SLC26A5: variants seen among roughly 807,000 people sequenced by gnomAD.
SLC26A5 encodes the protein solute carrier family 26 member 5.
In SLC26A5, 51 loss-of-function variants were observed where a neutral mutation model predicts 81.0. The observed-to-expected ratio is 0.63, with a 90% CI of 0.50 to 0.80. The LOEUF (loss-of-function observed/expected upper bound fraction) is 0.80, where lower values mean the gene tolerates loss of function less well. SLC26A5 is among the 30% of genes least tolerant of loss of function. The pLI is 0.00. For synonymous variants in SLC26A5, 325 were observed against 332.8 expected (o/e 0.98, Z 0.25); for missense variants, 771 against 905.8 (o/e 0.85, Z 1.91).
At chr7:103,371,268 AG>A (rs1821014013), downstream of SLC26A5, among the ~76,000 whole-genome samples, 1 of 152,186 alleles carries the variant, frequency 6.6e-6, no homozygotes. Context: ...ACAGTTTAAA[AG>A]TTCAACAGAA....
In SLC26A5 at chr7:103,368,121, C is replaced by CAATT. The variant is rs536745159; in HGVS notation, c.2041+8683_2041+8686dup. The CAATT allele has an allele frequency of 1.2e-4, 160 of 1,369,138 alleles. 1 individual carries two copies. In the African/African-American group the frequency reaches 2.2e-3, roughly 18 times the overall value. The allele number at this position is 1,369,138 out of a possible 1,614,324, so 84.8% of individuals were successfully genotyped here. A position where few individuals can be genotyped will look rare whatever the true frequency, so the allele number is the denominator to read the frequency against. On this transcript the variant is annotated intron_variant, in intron 19 of 19. Coordinates refer to the SLC26A5 transcript ENST00000339444. The stretch of plus-strand genomic sequence containing the variant: ...AACCTTATATAGACTTGTTAATAAC[C>CAATT]AATTCATAAACAAATAAATGGCTTC...
intron 7 of SLC26A5, among the ~76,000 whole-genome samples, chr7:103,409,795 C>T (rs753222517): frequency 7.2e-5 from 11 of 151,936 alleles, no homozygotes; most frequent in Non-Finnish European, 1.5e-4. Flanking sequence ...ACAAGCTCCA[C>T]CTCCCGGGTT....
Position 103,411,276 on chromosome 7 carries a change from C to T in SLC26A5, c.570+144G>A, listed in dbSNP as rs1294374908. On this transcript the variant is annotated intron_variant, in intron 6 of 19. Transcript: ENST00000306312. ...CACTCATAGTTGTGAATATGGCATG[C>T]AGTTGGTCTGCAGTTACTCCCAGAG... 9.9e-6 allele frequency: 8 copies of T among 809,966 alleles called. No individual in the cohort carries two copies. In the East Asian group the frequency reaches 2.1e-4, roughly 21 times the overall value. The allele number at this position is 809,966 out of a possible 1,614,324, so 50.2% of individuals were successfully genotyped here.
At chr7:103,428,699 A>G (rs550513659) in intron 2 of SLC26A5, among the ~76,000 whole-genome samples, 63 of 151,888 alleles carry the variant, frequency 4.1e-4, no homozygotes, top group African/African-American at 1.4e-3. Flanking sequence ...AGTAGCTGGG[A>G]CTACAGGTGT....
At chr7:103,388,298 G>A (rs1360914227) in intron 14 of SLC26A5, among the ~76,000 whole-genome samples, 1 of 148,474 alleles carries the variant, frequency 6.7e-6, no homozygotes, top group Non-Finnish European at 1.5e-5. Context: ...CTGAGTTCAA[G>A]CAATTCTCCT....
chr7:103,376,953 C>T, intron 18 of SLC26A5, 91 bp from the exon 19 acceptor site: 1 of 850,408 alleles, frequency 1.2e-6, no homozygotes, highest in East Asian at 2.5e-5. Flanking sequence ...ATAGAAGACA[C>T]TCTAATTCAT....
chr7:103,355,598 A>T, intron 19 of SLC26A5: 2 of 899,520 alleles, frequency 2.2e-6, no homozygotes, highest in Non-Finnish European at 3.6e-6. Flanking sequence ...ACAATGAATG[A>T]TTCAGTGCAA....
intron 9 of SLC26A5, among the ~76,000 whole-genome samples, chr7:103,395,343 C>CTTTT (rs34420602): frequency 2.9e-5 from 3 of 105,174 alleles, no homozygotes; most frequent in African/African-American, 3.7e-5. Flanking sequence ...AACGTAAGGT[C>CTTTT]TTTTTTTTTT....
intron 19 of SLC26A5, among the ~76,000 whole-genome samples, chr7:103,356,524 T>C (rs1209981507): frequency 6.6e-6 from 1 of 152,238 alleles, no homozygotes; most frequent in East Asian, 1.9e-4. Flanking sequence ...TTTTACACTT[T>C]TGCCATTTGA....
intron 19 of SLC26A5, chr7:103,353,065 C>G: frequency 5.3e-6 from 4 of 754,738 alleles, no homozygotes; most frequent in Non-Finnish European, 9.9e-6. Context: ...TAAGCAAATT[C>G]AGAAATGCAG....
intron 19 of SLC26A5, chr7:103,353,986 T>C (rs368468336): frequency 1.3e-6 from 2 of 1,516,050 alleles, no homozygotes; most frequent in South Asian, 1.2e-5. Flanking sequence ...CTACAAACTA[T>C]AGATGTTTTA....
chr7:103,395,493 A>G (rs1823019732), intron 9 of SLC26A5, among the ~76,000 whole-genome samples: 1 of 57,782 alleles, frequency 1.7e-5, no homozygotes, highest in Non-Finnish European at 4.0e-5. Context: ...ATACGCATAT[A>G]TATGTATGTA....
At chr7:103,408,064 CA>C in intron 7 of SLC26A5, 61 bp from the exon 8 acceptor site, 1 of 1,596,070 alleles carries the variant, frequency 6.3e-7, no homozygotes, top group Non-Finnish European at 8.6e-7. Flanking sequence ...GAGACAGAGA[CA>C]CTCTAGCGCA....
At chr7:103,426,547 A>G (rs1825721392) in intron 2 of SLC26A5, among the ~76,000 whole-genome samples, 4 of 152,316 alleles carry the variant, frequency 2.6e-5, no homozygotes, top group South Asian at 2.1e-4. Context: ...AGGAAGAGAC[A>G]CAGAGAGGAG....
intron 4 of SLC26A5, among the ~76,000 whole-genome samples, chr7:103,419,281 T>C (rs574141855): frequency 6.6e-6 from 1 of 152,322 alleles, no homozygotes; most frequent in South Asian, 2.1e-4. Flanking sequence ...GTAATGCTGA[T>C]AGCTTTTCAC....
chr7:103,439,197 A>T (rs1489454462), intron 2 of SLC26A5, among the ~76,000 whole-genome samples: 1 of 152,198 alleles, frequency 6.6e-6, no homozygotes, highest in African/African-American at 2.4e-5. Flanking sequence ...GGGAAACCGA[A>T]GCCCTCTCTG....
At chr7:103,425,517 A>G (rs999548782) in intron 2 of SLC26A5, among the ~76,000 whole-genome samples, 1 of 152,214 alleles carries the variant, frequency 6.6e-6, no homozygotes. Context: ...TCACAAAGAA[A>G]TATTTGAAAA....
At chr7:103,368,120 C>A in intron 19 of SLC26A5, 1 of 1,377,528 alleles carries the variant, frequency 7.3e-7, no homozygotes, top group Non-Finnish European at 9.8e-7. Context: ...TTGTTAATAA[C>A]CAATTCATAA....
intron 11 of SLC26A5, among the ~76,000 whole-genome samples, chr7:103,390,935 G>A (rs909664910): frequency 1.3e-5 from 2 of 149,966 alleles, no homozygotes; most frequent in South Asian, 4.2e-4. Flanking sequence ...GCGCGACCCT[G>A]GCTCACTGCA....
Sources: allele counts gnomAD v4.1 joint callset (sites outside exome capture counted in the v4.1 genomes callset), GRCh38; gene constraint gnomAD v4.1.1; transcripts MANE v1.5; gene names NCBI Gene and HGNC (gene_info 2026-07-23, HGNC 2026-07-21).